The following ATG16L2 variants were observed in gnomAD, a reference collection of about 807,000 sequenced individuals.
ATG16L2 encodes the protein protein Atg16l2.
Under a neutral mutation model 84.7 loss-of-function variants are expected in ATG16L2, and 77 were observed. The ratio of observed to expected loss-of-function variants is 0.91; its 90% confidence interval spans 0.76 to 1.10. ATG16L2 has a LOEUF of 1.10. Among genes scored for constraint, ATG16L2 ranks in the 50% least tolerant of loss-of-function variants. The pLI, the probability that ATG16L2 is intolerant of heterozygous loss-of-function variation, is 0.00. For missense variants in ATG16L2, 782 were observed against 817.6 expected (o/e 0.96, Z 0.53); for synonymous variants, 361 against 342.8 (o/e 1.05, Z -0.59).
At chr11:72,835,119 A>C (rs774459699) in intron 5 of ATG16L2, among the ~76,000 whole-genome samples, 1 of 152,194 alleles carries the variant, frequency 6.6e-6, no homozygotes, top group Non-Finnish European at 1.5e-5. Context: ...AAATTTAGCT[A>C]TGACGCTGGG....
Position 72,825,315 on chromosome 11 carries a change from C to G in ATG16L2, c.1010C>G (p.Ser337Cys), listed in dbSNP as rs1860284383. 8.7e-6 allele frequency: 14 copies of G among 1,613,556 alleles called. No homozygotes were observed. Among genetic ancestry groups the G allele is most frequent in the Non-Finnish European group, 1.1e-5 (13 of 1,179,906 alleles). Residue 337 changes from serine (S) to cysteine (C), a missense_variant, in exon 10 of 18, where the codon TCT becomes TGT. Coordinates refer to ENST00000321297, the MANE Select transcript of ATG16L2 (RefSeq NM_033388.2). ...CTTTCCCCACAGGATGCCCACCTCT[C>G]TGAGGTCAATGCTGTTCGTTTTGGC... ...RAQDVLDAHL[S>C]EVNAVRFGPN... is the part of the protein sequence containing the mutation.
At chr11:72,837,422 C>T (rs1484623717) in intron 5 of ATG16L2, 1 of 149,682 alleles carries the variant, frequency 6.7e-6, no homozygotes, top group Non-Finnish European at 1.5e-5. Flanking sequence ...AAGCATAATA[C>T]AACTTGTAGA....
At chr11:72,833,564 G>A (rs1420018103), downstream of ATG16L2, among the ~76,000 whole-genome samples, 3 of 152,272 alleles carry the variant, frequency 2.0e-5, no homozygotes, top group East Asian at 1.9e-4. Flanking sequence ...AGTTCTATGC[G>A]CAGTGTAGAA....
downstream of ATG16L2, among the ~76,000 whole-genome samples, chr11:72,832,288 A>G (rs181588123): frequency 1.3e-5 from 2 of 152,288 alleles, no homozygotes; most frequent in East Asian, 1.9e-4. Context: ...ATGGGCGTCA[A>G]TCTTACCACA....
intron 7 of ATG16L2, 124 bp from the exon 8 acceptor site, chr11:72,823,936 G>A (rs1402429441): frequency 1.3e-5 from 14 of 1,100,206 alleles, no homozygotes; most frequent in Non-Finnish European, 1.8e-5. Context: ...GAGAAGTCAA[G>A]TTCTTATCCC....
chr11:72,841,323 G>A, intron 5 of ATG16L2: 1 of 920,760 alleles, frequency 1.1e-6, no homozygotes, highest in Non-Finnish European at 1.5e-6. Context: ...CAGCCCAGGT[G>A]ACAGAGACTC....
rs753716870 is a variant in ATG16L2 at position 72,814,539 on chromosome 11, C to G, written c.94C>G (p.Leu32Val). The change falls in exon 1 of 18, where the codon CTT becomes GTT. Residue 32 changes from leucine to valine, a missense_variant. Leu to Val is a conservative substitution (Grantham distance 32, BLOSUM62 1). Transcript: ENST00000321297. ...LRLRDRTQKA[L>V]FLELVPAYNH... Reference sequence around the variant, plus strand: ...GCTTCGGGACCGTACGCAAAAGGCGCTTTTCCTGGAGCTGGTGCCGGCCTG... The same window carrying G: ...GCTTCGGGACCGTACGCAAAAGGCGGTTTTCCTGGAGCTGGTGCCGGCCTG... The G allele has an allele frequency of 2.5e-6, 4 of 1,577,876 alleles. No homozygotes were observed. In the South Asian group the frequency reaches 4.6e-5, roughly 18 times the overall value.
In ATG16L2 at chr11:72,822,061, C is replaced by T; in HGVS notation, c.410C>T (p.Ala137Val). The T allele has an allele frequency of 6.6e-7, 1 of 1,513,412 alleles. No individual in the cohort carries two copies. Among genetic ancestry groups the T allele is most frequent in the East Asian group, 2.5e-5 (1 of 40,462 alleles). 93.7% of individuals were successfully genotyped at this position (1,513,412 alleles called of 1,614,324 possible). ...TCCTCCAGGCTGGCAGCCCTGGAGGCCCGCGTGGCGCAGCTGCGAGAGGCG... is the reference window on the plus strand; with the variant it reads ...TCCTCCAGGCTGGCAGCCCTGGAGGTCCGCGTGGCGCAGCTGCGAGAGGCG... The part of the protein sequence containing the change: ...QRQSRLAALE[A>V]RVAQLREARA... The change falls in exon 5 of 18, where the codon GCC (alanine) becomes GTC (valine). Residue 137 changes from alanine (A) to valine (V), a missense_variant. By Grantham distance (64) the Ala-to-Val change is moderately conservative. Coordinates refer to ENST00000321297, the MANE Select transcript of ATG16L2 (RefSeq NM_033388.2). This position sits in a 1 kb window ranked among gnomAD's most constrained non-coding sequence, Gnocchi z 4.2.
In ATG16L2 at chr11:72,822,187, C is replaced by A; in HGVS notation, c.536C>A (p.Ala179Glu). 1 of 1,499,434 alleles carries A rather than the reference C, an allele frequency of 6.7e-7. No individual in the cohort carries two copies. 92.9% of individuals were successfully genotyped at this position (1,499,434 alleles called of 1,614,324 possible). Reference sequence around the variant, plus strand: ...CGCGCGCACGTCGGGCTCCGGGAGGCGGCACTGCGCAGGCTCCAGGAAGAG... The same window carrying A: ...CGCGCGCACGTCGGGCTCCGGGAGGAGGCACTGCGCAGGCTCCAGGAAGAG... ...ALRAHVGLRE[A>E]ALRRLQEEAR... The change falls in exon 5 of 18, where the codon GCG becomes GAG. Residue 179 changes from alanine (A) to glutamate (E), a missense_variant. Ala to Glu is a moderately radical substitution (Grantham distance 107, BLOSUM62 -1). Coordinates refer to ENST00000321297, the MANE Select transcript of ATG16L2 (RefSeq NM_033388.2). This position sits in a 1 kb window ranked among gnomAD's most constrained non-coding sequence, Gnocchi z 4.2.
At chr11:72,840,783 A>G in intron 5 of ATG16L2, 1 of 881,926 alleles carries the variant, frequency 1.1e-6, no homozygotes, top group Non-Finnish European at 1.8e-6. Context: ...TGGCATAGTC[A>G]GTAACAACAC....
intron 9 of ATG16L2, 119 bp from the exon 10 acceptor site, chr11:72,825,183 A>T (rs1486735497): frequency 1.3e-6 from 1 of 743,208 alleles, no homozygotes; most frequent in African/African-American, 1.7e-5. Context: ...GAAACTGGGG[A>T]GGGAGATACC....
At chr11:72,825,263 C>T (rs200044683) in intron 9 of ATG16L2, 39 bp from the exon 10 acceptor site, 44 of 1,531,192 alleles carry the variant, frequency 2.9e-5, no homozygotes, top group African/African-American at 6.8e-5. Context: ...GAGACATGCG[C>T]GGGGAGGGCC....
chr11:72,832,643 C>T (rs1337557465), downstream of ATG16L2, among the ~76,000 whole-genome samples: 1 of 152,342 alleles, frequency 6.6e-6, no homozygotes, highest in East Asian at 1.9e-4. Context: ...GGGCTGCCTG[C>T]CTGAATTCGG....
intron 3 of ATG16L2, 25 bp downstream of exon 3, chr11:72,817,880 T>G (rs1591295079): frequency 6.3e-7 from 1 of 1,590,492 alleles, no homozygotes. Context: ...GGTCTGAAAA[T>G]GGGGTAGAGA....
chr11:72,818,570 C>T (rs756173502), intron 3 of ATG16L2: 4 of 152,244 alleles, frequency 2.6e-5, no homozygotes, highest in African/African-American at 9.6e-5. Context: ...CAGAATTTGG[C>T]CCACACCGTT....
Position 72,822,138 on chromosome 11 carries a change from C to A in ATG16L2, c.487C>A (p.Gln163Lys). Residue 163 changes from glutamine to lysine, a missense_variant, in exon 5 of 18, where the codon CAG becomes AAG. By Grantham distance (53) the Gln-to-Lys change is moderately conservative (BLOSUM62 1). Coordinates refer to ENST00000321297, the MANE Select transcript of ATG16L2 (RefSeq NM_033388.2). This position sits in a 1 kb window ranked among gnomAD's most constrained non-coding sequence, Gnocchi z 4.2. ...VEEWRAQNAV[Q>K]RAAYEALRAH... ...GGAGTGGCGGGCGCAGAATGCGGTG[C>A]AGCGGGCAGCCTACGAGGCGCTGCG... is the stretch of plus-strand genomic sequence containing the variant. 4 of 1,501,978 alleles carry A rather than the reference C, an allele frequency of 2.7e-6. No homozygotes were observed. The highest frequency in any genetic ancestry group is 2.2e-5 in the Admixed American group (1 of 44,824). The allele number at this position is 1,501,978 out of a possible 1,614,324, so 93.0% of individuals were successfully genotyped here. A position where few individuals can be genotyped will look rare whatever the true frequency, so the allele number is the denominator to read the frequency against.
intron 14 of ATG16L2, 146 bp from the exon 15 acceptor site, chr11:72,828,213 C>G: frequency 1.3e-6 from 1 of 793,144 alleles, no homozygotes; most frequent in Non-Finnish European, 2.0e-6. Flanking sequence ...GGAGATGAGT[C>G]ACTCGCAGCC....
At chr11:72,814,600 G>A (rs749749231) in intron 1 of ATG16L2, 37 bp downstream of exon 1, 4 of 1,506,280 alleles carry the variant, frequency 2.7e-6, no homozygotes, top group South Asian at 2.5e-5. Context: ...TGGCGGCTGA[G>A]GGGACGCGGC....
chr11:72,816,705 G>A, intron 1 of ATG16L2, 23 bp from the exon 2 acceptor site: 3 of 1,595,702 alleles, frequency 1.9e-6, no homozygotes, highest in Non-Finnish European at 2.6e-6. Context: ...TCTGCCCCAG[G>A]CTCACTCTCT....
Sources: allele counts gnomAD v4.1 joint callset (sites outside exome capture counted in the v4.1 genomes callset), GRCh38; gene constraint gnomAD v4.1.1; non-coding constraint Gnocchi (gnomAD v3.1); transcripts MANE v1.5; gene names NCBI Gene and HGNC (gene_info 2026-07-23, HGNC 2026-07-21).